The following PCCA variants were observed in gnomAD, a reference collection of about 807,000 sequenced individuals.
PCCA encodes propionyl-CoA carboxylase alpha chain, mitochondrial.
PCCA carries 74 observed loss-of-function variants against 101.3 expected under a neutral mutation model. The ratio of observed to expected loss-of-function variants is 0.73; its 90% CI spans 0.61 to 0.89. PCCA has a LOEUF of 0.89. Ranked by LOEUF, PCCA falls within the 40% of genes least tolerant of loss-of-function variation. The probability of loss-of-function intolerance (pLI) is 0.00; values close to 1 mark genes in which losing one functional copy is unlikely to be tolerated. For synonymous variants in PCCA, 294 were observed against 313.6 expected, an observed-to-expected ratio of 0.94 and a Z score of 0.66; for missense variants, 891 against 907.0, an observed-to-expected ratio of 0.98 and a Z score of 0.23.
intron 21 of PCCA, among the ~76,000 whole-genome samples, chr13:100,465,644 G>T (rs1225636680): frequency 6.6e-6 from 1 of 152,214 alleles, no homozygotes; most frequent in African/African-American, 2.4e-5. Context: ...GTGGGAGACT[G>T]CCCTATGCGT....
chr13:100,212,527 T>A (rs2152484219), intron 7 of PCCA, among the ~76,000 whole-genome samples: 1 of 152,308 alleles, frequency 6.6e-6, no homozygotes, highest in Admixed American at 6.5e-5. Context: ...CTGTGGAGAA[T>A]TCACTCAGAT....
intron 21 of PCCA, among the ~76,000 whole-genome samples, chr13:100,477,084 G>A (rs568939706): frequency 6.6e-6 from 1 of 152,250 alleles, no homozygotes; most frequent in East Asian, 1.9e-4. Flanking sequence ...ATGACCGAGG[G>A]CACCTGCTTT....
chr13:100,321,860 A>G (rs550843054), intron 16 of PCCA, among the ~76,000 whole-genome samples: 16 of 152,214 alleles, frequency 1.1e-4, no homozygotes, highest in Admixed American at 1.0e-3. Flanking sequence ...AGAAATGCTC[A>G]GGATTTTCCA....
At chr13:100,178,296 C>G (rs1329556135) in intron 6 of PCCA, among the ~76,000 whole-genome samples, 4 of 152,118 alleles carry the variant, frequency 2.6e-5, no homozygotes, top group Admixed American at 2.0e-4. Flanking sequence ...ATCTTAAACC[C>G]CAGGGCCAAG....
intron 21 of PCCA, among the ~76,000 whole-genome samples, chr13:100,496,992 G>A (rs2085323863): frequency 1.3e-5 from 2 of 152,312 alleles, no homozygotes; most frequent in South Asian, 4.1e-4. Flanking sequence ...TCCCAGTATG[G>A]CAGTACAAGT....
intron 7 of PCCA, among the ~76,000 whole-genome samples, chr13:100,229,480 C>A (rs2152510943): frequency 6.6e-6 from 1 of 152,326 alleles, no homozygotes; most frequent in Non-Finnish European, 1.5e-5. Flanking sequence ...CACAATTTAG[C>A]CTAAATATTT....
chr13:100,417,099 T>A (rs1251825861), intron 19 of PCCA, among the ~76,000 whole-genome samples: 1 of 152,156 alleles, frequency 6.6e-6, no homozygotes, highest in East Asian at 1.9e-4. Context: ...CGCCTTGGCC[T>A]CCCAAAGTGC....
intron 21 of PCCA, among the ~76,000 whole-genome samples, chr13:100,512,534 AG>A (rs1322105999): frequency 1.3e-5 from 2 of 152,128 alleles, no homozygotes; most frequent in Admixed American, 6.5e-5. Context: ...AAGCCAGCGG[AG>A]TGAAGTTCCA....
At chr13:100,420,055 A>G (rs1312633026) in intron 19 of PCCA, among the ~76,000 whole-genome samples, 3 of 152,214 alleles carry the variant, frequency 2.0e-5, no homozygotes, top group African/African-American at 7.2e-5. Flanking sequence ...TTTTGATAAT[A>G]TTGTCTGCCT....
At chr13:100,325,686 A>T (rs1205855567) in intron 16 of PCCA, among the ~76,000 whole-genome samples, 2 of 152,178 alleles carry the variant, frequency 1.3e-5, no homozygotes, top group Non-Finnish European at 2.9e-5. Flanking sequence ...GAAGCTGCTC[A>T]TCTCCTAGCC....
At chr13:100,488,629 TTTTGTTTTTTTTTTG>T (rs1566439565) in intron 21 of PCCA, among the ~76,000 whole-genome samples, 3 of 65,900 alleles carry the variant, frequency 4.6e-5, no homozygotes, top group African/African-American at 1.3e-4. Flanking sequence ...TGTTTTTTTG[TTTTGTTTTTTTTTTG>T]TTTTTTTTTT....
intron 22 of PCCA, 109 bp downstream of exon 22, chr13:100,515,676 C>G: frequency 7.4e-7 from 1 of 1,349,894 alleles, no homozygotes. Context: ...TCTTACTTAA[C>G]CGACGCCCCC....
chr13:100,244,545 G>T (rs1296638370), intron 8 of PCCA, among the ~76,000 whole-genome samples: 2 of 151,554 alleles, frequency 1.3e-5, no homozygotes, highest in Non-Finnish European at 2.9e-5. Context: ...CTATTACTCT[G>T]TTGGAAAAGG....
At chr13:100,301,706 C>A in intron 13 of PCCA, 103 bp downstream of exon 13, 1 of 1,278,256 alleles carries the variant, frequency 7.8e-7, no homozygotes, top group Non-Finnish European at 1.1e-6. Flanking sequence ...ATAATGTTGC[C>A]AACTATTGGA....
At chr13:100,329,828 G>A (rs1265748171) in intron 16 of PCCA, among the ~76,000 whole-genome samples, 3 of 152,156 alleles carry the variant, frequency 2.0e-5, no homozygotes. Context: ...TTGCTGGTCT[G>A]ATCCACTACA....
intron 6 of PCCA, among the ~76,000 whole-genome samples, chr13:100,174,040 A>C (rs1158398537): frequency 6.6e-6 from 1 of 152,166 alleles, no homozygotes; most frequent in Non-Finnish European, 1.5e-5. Flanking sequence ...TAGCAGTATG[A>C]AAATGGACTA....
At chr13:100,238,189 C>T (rs533689282) in intron 8 of PCCA, among the ~76,000 whole-genome samples, 174 of 152,198 alleles carry the variant, frequency 1.1e-3, no homozygotes, top group African/African-American at 3.8e-3. Context: ...ATCTGCCCAC[C>T]TCAGCCTCCC....
In PCCA at chr13:100,530,240, A is replaced by G; in HGVS notation, c.*74A>G. 1 of 1,203,002 alleles carries G rather than the reference A, an allele frequency of 8.3e-7. No individual in the cohort carries two copies. Among genetic ancestry groups the G allele is most frequent in the Non-Finnish European group, 1.2e-6 (1 of 809,100 alleles). The allele number at this position is 1,203,002 out of a possible 1,614,324, so 74.5% of individuals were successfully genotyped here. The stretch of plus-strand genomic sequence containing the variant: ...TGATGCTTTCACACACAATTGATTC[A>G]AGCATTATACAGGAACACCCCTGTG... On this transcript the variant is annotated 3_prime_UTR_variant, in exon 24 of 24. Transcript: ENST00000376285.
intron 20 of PCCA, among the ~76,000 whole-genome samples, chr13:100,439,936 A>G (rs990015647): frequency 5.9e-5 from 9 of 151,924 alleles, no homozygotes; most frequent in African/African-American, 1.4e-4. Flanking sequence ...TTCTTGCTCA[A>G]ATATTTTCAA....
Sources: gnomAD v4.1 joint callset for allele counts (sites outside exome capture counted in the v4.1 genomes callset) on GRCh38, gnomAD v4.1.1 for gene constraint, MANE v1.5 for transcripts, NCBI Gene and HGNC (gene_info 2026-07-23, HGNC 2026-07-21) for gene names.